Variants in TRPM7 observed in about 807,000 individuals in gnomAD.
The protein encoded by TRPM7 is transient receptor potential cation channel subfamily M member 7, also known as LTRPC ion channel family member 7.
A neutral mutation model predicts 229.7 loss-of-function variants in TRPM7; 134 were observed. That is an observed-to-expected ratio of 0.58 (90% CI 0.51 to 0.67). TRPM7 has a LOEUF of 0.67. Ranked by LOEUF, TRPM7 falls within the 30% of genes least tolerant of loss-of-function variation. The probability of loss-of-function intolerance (pLI) is 0.00; values close to 1 mark genes in which losing one functional copy is unlikely to be tolerated. For missense variants in TRPM7, 1,901 were observed against 2,210.0 expected, an observed-to-expected ratio of 0.86 and a Z score of 2.80; for synonymous variants, 699 against 715.2, an observed-to-expected ratio of 0.98 and a Z score of 0.36.
At chr15:50,651,293 G>A (rs1252508438) in intron 3 of TRPM7, among the ~76,000 whole-genome samples, 1 of 152,114 alleles carries the variant, frequency 6.6e-6, no homozygotes, top group African/African-American at 2.4e-5. Context: ...AGAACGAGAT[G>A]ATGGAATTAT....
At chr15:50,610,820 G>T (rs1217092505) in intron 17 of TRPM7, among the ~76,000 whole-genome samples, 4 of 151,968 alleles carry the variant, frequency 2.6e-5, no homozygotes, top group Admixed American at 1.3e-4. Context: ...GCTGCTAGGG[G>T]CCATAATCTC....
At chr15:50,641,869 G>A (rs1051917704) in intron 5 of TRPM7, among the ~76,000 whole-genome samples, 45 of 151,918 alleles carry the variant, frequency 3.0e-4, no homozygotes, top group African/African-American at 1.0e-3. Context: ...GTGTGGTGAC[G>A]GGCACCTGTA....
intron 38 of TRPM7, among the ~76,000 whole-genome samples, chr15:50,564,576 C>T (rs193273363): frequency 2.6e-5 from 4 of 151,690 alleles, no homozygotes; most frequent in Admixed American, 6.6e-5. Flanking sequence ...AAAGGATACA[C>T]GTGCAGAACA....
chr15:50,614,229 A>T lies in TRPM7; in HGVS notation c.1529T>A (p.Ile510Asn). Residue 510 changes from isoleucine to asparagine, a missense_variant, in exon 14 of 39, where the codon ATT becomes AAT. This residue lies in a region of TRPM7 where 794 missense variants were observed against 881.9 expected (regional missense o/e 0.90). Transcript: ENST00000646667. ...NLPPGYKITL[I>N]DIGLVIEYLM... The stretch of plus-strand genomic sequence containing the variant: ...ATATTCAATAACAAGTCCTATATCA[A>T]TCAGAGTGATCTTATATCCTGGAGG... 1 of 1,611,006 alleles carries T rather than the reference A, an allele frequency of 6.2e-7. No individual in the cohort carries two copies. Among genetic ancestry groups the T allele is most frequent in the Non-Finnish European group, 8.5e-7 (1 of 1,178,830 alleles).
rs1361515530 is a variant in TRPM7 at position 50,593,833 on chromosome 15, G to T, written c.3476-84C>A. On this transcript the variant is annotated intron_variant, in intron 24 of 38. Coordinates refer to ENST00000646667, the MANE Select transcript of TRPM7 (RefSeq NM_017672.6). The stretch of plus-strand genomic sequence containing the variant: ...TCATAATTCTTACGAATTATTCAGG[G>T]TTTCTAAGACTACATCCATCATCTG... 6 of 1,376,424 alleles carry T rather than the reference G, an allele frequency of 4.4e-6. No homozygotes were observed. In the Admixed American group the frequency reaches 1.1e-4, roughly 26 times the overall value. The allele number at this position is 1,376,424 out of a possible 1,614,324, so 85.3% of individuals were successfully genotyped here.
intron 3 of TRPM7, among the ~76,000 whole-genome samples, chr15:50,656,259 G>A (rs1223360874): frequency 2.6e-5 from 4 of 151,994 alleles, no homozygotes; most frequent in Non-Finnish European, 5.9e-5. Context: ...ACTGGAGATG[G>A]TTAAGTACAG....
chr15:50,679,752 C>G (rs1445977635), intron 1 of TRPM7, among the ~76,000 whole-genome samples: 2 of 150,818 alleles, frequency 1.3e-5, no homozygotes, highest in Admixed American at 6.6e-5. Context: ...CCAGGCTGGT[C>G]TCAAACTCCT....
At chr15:50,573,155 A>T (rs1164270638) in intron 36 of TRPM7, among the ~76,000 whole-genome samples, 8 of 152,152 alleles carry the variant, frequency 5.3e-5, no homozygotes, top group Admixed American at 4.6e-4. Flanking sequence ...CCCTCTATAG[A>T]TGCATATCGT....
At chr15:50,623,559 T>A (rs1228441932) in intron 12 of TRPM7, among the ~76,000 whole-genome samples, 1 of 138,102 alleles carries the variant, frequency 7.2e-6, no homozygotes, top group East Asian at 2.3e-4. Context: ...TGGGGCAATA[T>A]ATGAAGATCT....
At chr15:50,595,133 G>C (rs1457477376) in intron 23 of TRPM7, among the ~76,000 whole-genome samples, 1 of 152,006 alleles carries the variant, frequency 6.6e-6, no homozygotes, top group African/African-American at 2.4e-5. Flanking sequence ...AGCCCAGATG[G>C]AAGAGGCTAC....
In TRPM7 at chr15:50,586,380, C is replaced by A; in HGVS notation, c.4486+12G>T. On this transcript the variant is annotated intron_variant, in intron 28 of 38. Transcript: ENST00000646667. Reference sequence around the variant, plus strand: ...TGTTTTCTGACACTATTCATATGGTCAAAATACTCACCTTGTTTTGAATGA... The same window carrying A: ...TGTTTTCTGACACTATTCATATGGTAAAAATACTCACCTTGTTTTGAATGA... 1.9e-6 allele frequency: 3 copies of A among 1,560,338 alleles called. No individual in the cohort carries two copies. In the South Asian group the frequency reaches 3.3e-5, roughly 17 times the overall value.
At chr15:50,678,351 A>C (rs1295536432) in intron 1 of TRPM7, among the ~76,000 whole-genome samples, 1 of 151,622 alleles carries the variant, frequency 6.6e-6, no homozygotes, top group Non-Finnish European at 1.5e-5. Flanking sequence ...AAGGGTGACC[A>C]ACATGCCTGC....
intron 1 of TRPM7, among the ~76,000 whole-genome samples, chr15:50,676,509 A>T (rs1438602302): frequency 2.0e-5 from 3 of 152,056 alleles, no homozygotes; most frequent in Non-Finnish European, 4.4e-5. Flanking sequence ...GCTTGAGGCC[A>T]GGAGTTTGAG....
At chr15:50,661,909 C>T (rs552725828) in intron 2 of TRPM7, among the ~76,000 whole-genome samples, 1 of 152,198 alleles carries the variant, frequency 6.6e-6, no homozygotes, top group East Asian at 1.9e-4. Flanking sequence ...TTTTTTCTAT[C>T]TTTAGGCCTC....
At chr15:50,564,546 T>G (rs1289739453) in intron 38 of TRPM7, among the ~76,000 whole-genome samples, 2 of 151,936 alleles carry the variant, frequency 1.3e-5, no homozygotes, top group Non-Finnish European at 2.9e-5. Flanking sequence ...TATATATGTA[T>G]GTTTTTATTT....
intron 1 of TRPM7, among the ~76,000 whole-genome samples, chr15:50,683,510 G>A (rs1193623211): frequency 6.6e-6 from 1 of 151,598 alleles, no homozygotes; most frequent in Non-Finnish European, 1.5e-5. Context: ...CGAGGCGGGT[G>A]GATCACCTGG....
intron 19 of TRPM7, among the ~76,000 whole-genome samples, chr15:50,608,653 G>A (rs905793774): frequency 6.6e-6 from 1 of 152,186 alleles, no homozygotes; most frequent in Non-Finnish European, 1.5e-5. Flanking sequence ...ATATAGAGGT[G>A]TAAGGAAATG....
At position 50,679,235 on chromosome 15, in the gene TRPM7, T is replaced by G. The variant is rs1243653122; in HGVS notation, c.3+7296A>C. ...CTGTCATTTTAGGTACTTGGGAGGC[T>G]GAAGTGGCAGGATCACTTGAGCCTA... is the stretch of plus-strand genomic sequence containing the variant. On this transcript the variant is annotated intron_variant, in intron 1 of 38. Transcript: ENST00000646667. Among the ~76,000 whole-genome samples, 15 of 150,818 alleles carry G rather than the reference T, an allele frequency of 9.9e-5. 1 individual carries two copies. The highest frequency in any genetic ancestry group is 9.4e-4 in the Admixed American group (14 of 14,954).
intron 29 of TRPM7, 105 bp downstream of exon 29, chr15:50,582,984 T>G: frequency 1.3e-6 from 1 of 797,810 alleles, no homozygotes; most frequent in Non-Finnish European, 1.8e-6. Flanking sequence ...AGAAAAATTT[T>G]TTTGAATTTT....
Sources: gnomAD v4.1 joint callset for allele counts (sites outside exome capture counted in the v4.1 genomes callset) on GRCh38, gnomAD v4.1.1 for gene constraint, gnomAD v4.1.1 regional missense constraint, MANE v1.5 for transcripts, NCBI Gene and HGNC (gene_info 2026-07-23, HGNC 2026-07-21) for gene names.